The following OMD variants were observed in gnomAD, a reference collection of about 807,000 sequenced individuals.
OMD encodes osteomodulin.
In OMD, 19 loss-of-function variants were observed where a neutral mutation model predicts 31.2. That is an observed-to-expected ratio of 0.61 (90% CI 0.42 to 0.89). OMD has a LOEUF of 0.89. OMD is among the 40% of genes least tolerant of loss of function. The pLI, the probability that OMD is intolerant of heterozygous loss-of-function variation, is 0.00. For synonymous variants in OMD, 155 were observed against 166.4 expected (o/e 0.93, Z 0.53); for missense variants, 448 against 490.8 (o/e 0.91, Z 0.82).
In OMD at chr9:92,417,241, C is replaced by T. The variant is rs1217969187; in HGVS notation, c.318G>A (p.Val106=). The T allele has an allele frequency of 6.2e-7, 1 of 1,613,990 alleles. No homozygotes were observed. Among genetic ancestry groups the T allele is most frequent in the South Asian group, 1.1e-5 (1 of 91,070 alleles). ...TTGCATTGATGAATGAATTTGCAGT[C>T]ACAGCCTCAATTTCATTGAACTGAA... The part of the protein sequence containing the change: ...LYLQFNEIEA[V]TANSFINATH... The change falls in exon 2 of 3, where the codon GTG becomes GTA. Residue 106 remains valine (V), a synonymous_variant. Transcript: ENST00000375550.
rs1301475303 is a variant in OMD, at chr9:92,413,440, G to T, written c.*1712C>A. 6.6e-6 allele frequency among the ~76,000 whole-genome samples: 1 copy of T among 152,102 alleles called. No individual in the cohort carries two copies. The highest frequency in any genetic ancestry group is 2.4e-5 in the African/African-American group (1 of 41,404). ...CTTTTGATTTCAGCTATCCTAGTGA[G>T]CACATAGTAATATCTCATTTATTTG... On this transcript the variant is annotated 3_prime_UTR_variant, in exon 3 of 3. Coordinates refer to ENST00000375550, the MANE Select transcript of OMD (RefSeq NM_005014.3).
At position 92,414,134 on chromosome 9, in the gene OMD, C is replaced by T. The variant is rs1022947522; in HGVS notation, c.*1018G>A. 1.2e-5 allele frequency: 2 copies of T among 167,970 alleles called. No individual in the cohort carries two copies. Among genetic ancestry groups the T allele is most frequent in the African/African-American group, 4.8e-5 (2 of 41,902 alleles). The allele number at this position is 167,970 out of a possible 1,614,324, so 10.4% of individuals were successfully genotyped here. On this transcript the variant is annotated 3_prime_UTR_variant, in exon 3 of 3. Coordinates refer to ENST00000375550, the MANE Select transcript of OMD (RefSeq NM_005014.3). ...ACAATACTTAAAAATAATACATTAA[C>T]GAAAAAGTGATTTTTAAGGTTTTAA...
intron 2 of OMD, 45 bp from the exon 3 acceptor site, chr9:92,415,522 C>A (rs754783578): frequency 8.2e-6 from 9 of 1,103,376 alleles, no homozygotes; most frequent in African/African-American, 8.0e-5. Context: ...ATAGTATAAT[C>A]CATAGTTATA....
rs1226977141 is a variant in OMD, at chr9:92,414,620, A to AGGG, written c.*529_*531dup. 2 of 208,038 alleles carry AGGG rather than the reference A, an allele frequency of 9.6e-6. No homozygotes were observed. Among genetic ancestry groups the AGGG allele is most frequent in the African/African-American group, 4.5e-5 (2 of 43,984 alleles). The allele number at this position is 208,038 out of a possible 1,614,324, so 12.9% of individuals were successfully genotyped here. On this transcript the variant is annotated 3_prime_UTR_variant, in exon 3 of 3. Coordinates refer to ENST00000375550, the MANE Select transcript of OMD (RefSeq NM_005014.3). ...CATTCTATGTGCTATGTGGTGAGCT[A>AGGG]GGGGGATGGATGTCATAATGGTGAG...
intron 1 of OMD, among the ~76,000 whole-genome samples, chr9:92,422,211 T>G (rs918186907): frequency 6.6e-6 from 1 of 152,128 alleles, no homozygotes; most frequent in Non-Finnish European, 1.5e-5. Flanking sequence ...CCACCACGAC[T>G]GGCTACATTT....
chr9:92,415,005 A>G lies in OMD; in HGVS notation c.*147T>C. Reference sequence around the variant, plus strand: ...GTTCTAATCCTATGAAATGATGCAGATGTCACCAACAACTTAAATTCAATT... The same window carrying G: ...GTTCTAATCCTATGAAATGATGCAGGTGTCACCAACAACTTAAATTCAATT... On this transcript the variant is annotated 3_prime_UTR_variant, in exon 3 of 3. Coordinates refer to ENST00000375550, the MANE Select transcript of OMD (RefSeq NM_005014.3). 1.8e-6 allele frequency: 1 copy of G among 551,544 alleles called. No homozygotes were observed. The highest frequency in any genetic ancestry group is 1.9e-5 in the African/African-American group (1 of 51,944). 34.2% of individuals were successfully genotyped at this position (551,544 alleles called of 1,614,324 possible). A position where few individuals can be genotyped will look rare whatever the true frequency, so the allele number is the denominator to read the frequency against.
At chr9:92,415,941 A>C (rs190236194) in intron 2 of OMD, among the ~76,000 whole-genome samples, 5 of 145,366 alleles carry the variant, frequency 3.4e-5, no homozygotes, top group African/African-American at 1.2e-4. Context: ...AAAGTGAGTA[A>C]ACTCAGAATA....
chr9:92,422,186 G>C (rs1453794088), intron 1 of OMD, among the ~76,000 whole-genome samples: 2 of 152,042 alleles, frequency 1.3e-5, no homozygotes, highest in African/African-American at 2.4e-5. Context: ...GAGTAGCTGG[G>C]ATTACAGGCG....
At chr9:92,419,722 A>G (rs544987242) in intron 1 of OMD, among the ~76,000 whole-genome samples, 7 of 152,174 alleles carry the variant, frequency 4.6e-5, no homozygotes, top group Non-Finnish European at 8.8e-5. Context: ...ATCATTTAGG[A>G]AAAAGGTTTT....
At position 92,417,465 on chromosome 9, in the gene OMD, C is replaced by G. The variant is rs1302420961; in HGVS notation, c.94G>C (p.Asp32His). Reference protein sequence around the residue: ...YETYQWDEDYDQEPDDDYQTG... With the variant: ...YETYQWDEDYHQEPDDDYQTG... ...TGGTAATCATCATCTGGCTCTTGGT[C>G]ATAGTCTTCATCCCACTGATAAGTT... Residue 32 changes from aspartate to histidine, a missense_variant, in exon 2 of 3, where the codon GAC (aspartate) becomes CAC (histidine). Transcript: ENST00000375550. The G allele has an allele frequency of 1.8e-5, 29 of 1,613,762 alleles. No homozygotes were observed. The highest frequency in any genetic ancestry group is 2.4e-5 in the Non-Finnish European group (28 of 1,179,918).
chr9:92,416,095 T>TATATA (rs1843599841), intron 2 of OMD, among the ~76,000 whole-genome samples: 1 of 138,344 alleles, frequency 7.2e-6, no homozygotes, highest in Admixed American at 7.3e-5. Flanking sequence ...TATTTATTTA[T>TATATA]TTATTTTATT....
At chr9:92,415,621 A>G (rs1380259961) in intron 2 of OMD, 144 bp from the exon 3 acceptor site, 3 of 387,020 alleles carry the variant, frequency 7.8e-6, no homozygotes, top group Admixed American at 4.5e-5. Context: ...TCCTTTTTAT[A>G]TTAATCAAAT....
At position 92,414,720 on chromosome 9, in the gene OMD, G is replaced by C. The variant is rs564816648; in HGVS notation, c.*432C>G. On this transcript the variant is annotated 3_prime_UTR_variant, in exon 3 of 3. Transcript: ENST00000375550. ...TGGTCTATTCCTTAAATGAATGCTT[G>C]TTACATTAATATACCTTCCTGTCAT... 1.1e-3 allele frequency: 226 copies of C among 214,514 alleles called. No homozygotes were observed. The highest frequency in any genetic ancestry group is 4.5e-3 in the African/African-American group (200 of 44,464). 13.3% of individuals were successfully genotyped at this position (214,514 alleles called of 1,614,324 possible). A position where few individuals can be genotyped will look rare whatever the true frequency, so the allele number is the denominator to read the frequency against.
In OMD at chr9:92,414,365, A is replaced by G. The variant is rs1008240088; in HGVS notation, c.*787T>C. 8.0e-5 allele frequency: 16 copies of G among 200,600 alleles called. No homozygotes were observed. Among genetic ancestry groups the G allele is most frequent in the Non-Finnish European group, 1.4e-4 (14 of 97,312 alleles). The allele number at this position is 200,600 out of a possible 1,614,324, so 12.4% of individuals were successfully genotyped here. A position where few individuals can be genotyped will look rare whatever the true frequency, so the allele number is the denominator to read the frequency against. ...GGCCTTTCTATGGTTGTATTTTTAC[A>G]AAAACATTTATCCCAGTTAAAATGG... is the stretch of plus-strand genomic sequence containing the variant. On this transcript the variant is annotated 3_prime_UTR_variant, in exon 3 of 3. Coordinates refer to ENST00000375550, the MANE Select transcript of OMD (RefSeq NM_005014.3).
At position 92,416,881 on chromosome 9, in the gene OMD, T is replaced by C. The variant is rs1843630708; in HGVS notation, c.678A>G (p.Ser226=). ...GTGAAGAAGGCAAACCAGGAGGCAT[T>C]GATTCTAATCTGTTACTGCAGAGGT... is the stretch of plus-strand genomic sequence containing the variant. ...QLNLCSNRLE[S]MPPGLPSSLM... The change falls in exon 2 of 3, where the codon TCA becomes TCG. Residue 226 remains serine, a synonymous_variant. Transcript: ENST00000375550. 6 of 1,614,032 alleles carry C rather than the reference T, an allele frequency of 3.7e-6. No individual in the cohort carries two copies. Among genetic ancestry groups the C allele is most frequent in the Non-Finnish European group, 5.1e-6 (6 of 1,179,964 alleles).
In OMD at chr9:92,414,734, C is replaced by A. The variant is rs1364988326; in HGVS notation, c.*418G>T. The A allele has an allele frequency of 4.6e-6, 1 of 216,356 alleles. No homozygotes were observed. 13.4% of individuals were successfully genotyped at this position (216,356 alleles called of 1,614,324 possible). A position where few individuals can be genotyped will look rare whatever the true frequency, so the allele number is the denominator to read the frequency against. On this transcript the variant is annotated 3_prime_UTR_variant, in exon 3 of 3. Transcript: ENST00000375550. ...AATGAATGCTTGTTACATTAATATA[C>A]CTTCCTGTCATTTAAATATTGTCCT...
At chr9:92,420,189 A>C (rs921042377) in intron 1 of OMD, among the ~76,000 whole-genome samples, 6 of 152,044 alleles carry the variant, frequency 3.9e-5, no homozygotes, top group Non-Finnish European at 5.9e-5. Flanking sequence ...TCAGACCACT[A>C]TCTCTATGTA....
intron 1 of OMD, among the ~76,000 whole-genome samples, chr9:92,423,953 A>C (rs1167448310): frequency 6.6e-6 from 1 of 152,150 alleles, no homozygotes; most frequent in Non-Finnish European, 1.5e-5. Context: ...TTCAAAGTAA[A>C]AAAAAATCTA....
Position 92,414,581 on chromosome 9 carries a change from C to A in OMD, c.*571G>T, listed in dbSNP as rs1166795623. The A allele has an allele frequency of 4.8e-6, 1 of 208,790 alleles. No homozygotes were observed. The highest frequency in any genetic ancestry group is 9.7e-6 in the Non-Finnish European group (1 of 102,682). 12.9% of individuals were successfully genotyped at this position (208,790 alleles called of 1,614,324 possible). A position where few individuals can be genotyped will look rare whatever the true frequency, so the allele number is the denominator to read the frequency against. ...TCCTTAGTACCTGGATGGCCTCTTA[C>A]AAATCAAAAATATCATTCTATGTGC... is the stretch of plus-strand genomic sequence containing the variant. On this transcript the variant is annotated 3_prime_UTR_variant, in exon 3 of 3. Coordinates refer to ENST00000375550, the MANE Select transcript of OMD (RefSeq NM_005014.3).
Sources: gnomAD v4.1 joint callset for allele counts (sites outside exome capture counted in the v4.1 genomes callset) on GRCh38, gnomAD v4.1.1 for gene constraint, MANE v1.5 for transcripts, NCBI Gene and HGNC (gene_info 2026-07-23, HGNC 2026-07-21) for gene names.